ASCC3: variants seen among roughly 807,000 people sequenced by gnomAD.
ASCC3 encodes the protein ASC-1 complex subunit P200.
In ASCC3, 158 loss-of-function variants were observed where a neutral mutation model predicts 256.3. The observed-to-expected ratio is 0.62, with a 90% confidence interval of 0.54 to 0.70. ASCC3 has a LOEUF of 0.70. Among genes scored for constraint, ASCC3 ranks in the 30% least tolerant of loss-of-function variants. ASCC3 has a pLI of 0.00. For missense variants in ASCC3, 2,259 were observed against 2,626.0 expected (o/e 0.86, Z 3.05); for synonymous variants, 948 against 883.4 (o/e 1.07, Z -1.30).
At chr6:100,516,474 C>G in intron 38 of ASCC3, 147 bp from the exon 39 acceptor site, 1 of 1,006,288 alleles carries the variant, frequency 9.9e-7, no homozygotes, top group Non-Finnish European at 1.5e-6. Flanking sequence ...AAAAATTCAG[C>G]CAGCATTCTG....
intron 10 of ASCC3, among the ~76,000 whole-genome samples, chr6:100,743,062 C>A (rs1780510242): frequency 6.6e-6 from 1 of 152,206 alleles, no homozygotes; most frequent in Admixed American, 6.5e-5. Context: ...GTGTATCAGA[C>A]CCAAGGCTCT....
chr6:100,875,119 C>A (rs117631534), intron 1 of ASCC3, among the ~76,000 whole-genome samples: 1 of 151,976 alleles, frequency 6.6e-6, no homozygotes, highest in African/African-American at 2.4e-5. Flanking sequence ...CACAGGCAAA[C>A]CAGTTGGGAA....
intron 4 of ASCC3, among the ~76,000 whole-genome samples, chr6:100,827,555 CCA>C (rs988513592): frequency 4.1e-4 from 62 of 152,144 alleles, no homozygotes; most frequent in African/African-American, 1.5e-3. Flanking sequence ...GATGCATTCA[CCA>C]CAGTGTTTAC....
intron 4 of ASCC3, among the ~76,000 whole-genome samples, chr6:100,808,316 G>T (rs1205765069): frequency 6.6e-6 from 1 of 151,758 alleles, no homozygotes. Context: ...GAGACCAATA[G>T]ATTTTCACAA....
intron 3 of ASCC3, among the ~76,000 whole-genome samples, chr6:100,862,157 T>C (rs1287305251): frequency 6.6e-6 from 1 of 152,098 alleles, no homozygotes; most frequent in African/African-American, 2.4e-5. Flanking sequence ...AAGACTGTAT[T>C]TTCGCCACTA....
chr6:100,727,538 G>A (rs1779692942), intron 10 of ASCC3, among the ~76,000 whole-genome samples: 1 of 151,810 alleles, frequency 6.6e-6, no homozygotes. Context: ...AAAGATTCAA[G>A]AAGGAACTTT....
chr6:100,671,502 A>G (rs915354027), intron 14 of ASCC3, among the ~76,000 whole-genome samples: 4 of 152,100 alleles, frequency 2.6e-5, no homozygotes, highest in Non-Finnish European at 4.4e-5. Flanking sequence ...AAAGAATACC[A>G]GCTGTGAAAA....
At chr6:100,532,378 GTATATATA>G (rs1219461410) in intron 37 of ASCC3, among the ~76,000 whole-genome samples, 23 of 69,074 alleles carry the variant, frequency 3.3e-4, no homozygotes, top group South Asian at 1.1e-3. Context: ...GTGTATGTGT[GTATATATA>G]TATATATATA....
At chr6:100,725,944 C>A (rs1779600046) in intron 10 of ASCC3, among the ~76,000 whole-genome samples, 2 of 145,622 alleles carry the variant, frequency 1.4e-5, no homozygotes, top group African/African-American at 2.6e-5. Context: ...AATTGTAGGG[C>A]AAAGTGTACA....
chr6:100,698,119 G>A (rs1252262184), intron 13 of ASCC3, among the ~76,000 whole-genome samples: 1 of 152,124 alleles, frequency 6.6e-6, no homozygotes, highest in Non-Finnish European at 1.5e-5. Flanking sequence ...ACACTTCAAA[G>A]ATAGGAGTAT....
At position 100,676,339 on chromosome 6, in the gene ASCC3, T is replaced by C. The variant is rs1280267552; in HGVS notation, c.2286+3279A>G. Among the ~76,000 whole-genome samples the C allele has an allele frequency of 2.0e-5, 3 of 152,320 alleles. No homozygotes were observed. The East Asian group carries it at 5.8e-4, about 29-fold the overall frequency. On this transcript the variant is annotated intron_variant, in intron 14 of 41. Coordinates refer to ENST00000369162, the MANE Select transcript of ASCC3 (RefSeq NM_006828.4). ...ATTATTTACTCCATTATTATTCCAT[T>C]TGAGAGAAGAGAAAGTACGTTTCAG... is the stretch of plus-strand genomic sequence containing the variant.
chr6:100,525,192 GAA>G (rs1179294865), intron 37 of ASCC3, among the ~76,000 whole-genome samples: 4 of 118,528 alleles, frequency 3.4e-5, no homozygotes, highest in Non-Finnish European at 5.5e-5. Context: ...AAGAAAGAAA[GAA>G]AAAGAAAAAG....
chr6:100,549,300 T>C (rs1219777283), intron 36 of ASCC3, among the ~76,000 whole-genome samples: 1 of 152,026 alleles, frequency 6.6e-6, no homozygotes. Context: ...TTGTTAATTA[T>C]GTCCCTTGTT....
At chr6:100,863,790 T>C (rs987111082) in intron 3 of ASCC3, among the ~76,000 whole-genome samples, 2 of 152,016 alleles carry the variant, frequency 1.3e-5, no homozygotes, top group Non-Finnish European at 2.9e-5. Flanking sequence ...TAGTTTATTT[T>C]ATTTGTATTT....
chr6:100,767,585 C>T (rs189684425), intron 8 of ASCC3, among the ~76,000 whole-genome samples: 51 of 145,622 alleles, frequency 3.5e-4, no homozygotes, highest in South Asian at 9.2e-4. Context: ...GACACTATAC[C>T]TATATTTTAG....
chr6:100,605,224 T>G (rs535658801), intron 33 of ASCC3, among the ~76,000 whole-genome samples: 1 of 152,284 alleles, frequency 6.6e-6, no homozygotes, highest in South Asian at 2.1e-4. Context: ...TAGCTGGTCT[T>G]GCTACCATCT....
chr6:100,735,903 C>T (rs553279925), intron 10 of ASCC3, among the ~76,000 whole-genome samples: 17 of 152,200 alleles, frequency 1.1e-4, no homozygotes, highest in South Asian at 6.2e-4. Context: ...AACCATATAC[C>T]GTAGTAATAT....
chr6:100,625,642 A>G (rs1269126769), intron 29 of ASCC3, among the ~76,000 whole-genome samples: 1 of 152,072 alleles, frequency 6.6e-6, no homozygotes, highest in Non-Finnish European at 1.5e-5. Flanking sequence ...ATTAAGAGCT[A>G]TACATGGACA....
chr6:100,846,190 C>T (rs555271495), intron 4 of ASCC3, among the ~76,000 whole-genome samples: 3 of 152,154 alleles, frequency 2.0e-5, no homozygotes, highest in East Asian at 1.9e-4. Flanking sequence ...CAAGAACAAC[C>T]GCAGTGAAAC....
Sources: gnomAD v4.1 joint callset for allele counts (sites outside exome capture counted in the v4.1 genomes callset) on GRCh38, gnomAD v4.1.1 for gene constraint, MANE v1.5 for transcripts, NCBI Gene and HGNC (gene_info 2026-07-23, HGNC 2026-07-21) for gene names.